The following TCERG1L variants were observed in gnomAD, a reference collection of about 807,000 sequenced individuals.
The protein encoded by TCERG1L is transcription elongation regulator 1 like.
A neutral mutation model predicts 56.3 loss-of-function variants in TCERG1L; 37 were observed. That is an observed-to-expected ratio of 0.66 (90% confidence interval 0.51 to 0.87). TCERG1L has a LOEUF of 0.87. TCERG1L is among the 40% of genes least tolerant of loss of function. The probability of loss-of-function intolerance (pLI) is 0.00; values close to 1 mark genes in which losing one functional copy is unlikely to be tolerated. For synonymous variants in TCERG1L, 324 were observed against 326.3 expected (o/e 0.99, Z 0.08); for missense variants, 799 against 774.2 (o/e 1.03, Z -0.38).
At chr10:131,288,203 G>T (rs750985488) in intron 3 of TCERG1L, among the ~76,000 whole-genome samples, 7 of 151,926 alleles carry the variant, frequency 4.6e-5, no homozygotes, top group Non-Finnish European at 1.0e-4. Context: ...TAACACAAAA[G>T]AAGTGTTTCT....
At chr10:131,172,918 T>C (rs905771396) in intron 4 of TCERG1L, among the ~76,000 whole-genome samples, 1 of 151,276 alleles carries the variant, frequency 6.6e-6, no homozygotes, top group Non-Finnish European at 1.5e-5. Context: ...AGATGGAGTT[T>C]TGCTCTTGTC....
chr10:131,281,780 A>T (rs945541921), intron 3 of TCERG1L, among the ~76,000 whole-genome samples: 1 of 152,200 alleles, frequency 6.6e-6, no homozygotes, highest in Admixed American at 6.5e-5. Flanking sequence ...GGGTCCAAAA[A>T]GCCTGATCCG....
intron 6 of TCERG1L, among the ~76,000 whole-genome samples, chr10:131,154,080 T>C (rs989754197): frequency 5.3e-5 from 8 of 152,208 alleles, no homozygotes; most frequent in Non-Finnish European, 2.9e-5. Flanking sequence ...CTAAGTAATA[T>C]GCATGTGTTC....
At chr10:131,288,842 G>C (rs1368732050) in intron 3 of TCERG1L, among the ~76,000 whole-genome samples, 2 of 152,032 alleles carry the variant, frequency 1.3e-5, no homozygotes, top group African/African-American at 4.8e-5. Context: ...AGCCGGGGGA[G>C]GGCACCGGAC....
chr10:131,115,325 G>A (rs1845446765), intron 9 of TCERG1L, among the ~76,000 whole-genome samples: 1 of 152,268 alleles, frequency 6.6e-6, no homozygotes, highest in Non-Finnish European at 1.5e-5. Context: ...CAAGTTGGGA[G>A]AAACTACAAC....
intron 4 of TCERG1L, among the ~76,000 whole-genome samples, chr10:131,191,890 G>GA (rs1164153170): frequency 1.2e-5 from 1 of 82,672 alleles, no homozygotes; most frequent in Non-Finnish European, 2.6e-5. Context: ...AAAAAAAAAA[G>GA]AAAAAAAGAA....
intron 4 of TCERG1L, among the ~76,000 whole-genome samples, chr10:131,178,515 C>A (rs1221628555): frequency 1.3e-5 from 2 of 152,174 alleles, no homozygotes; most frequent in African/African-American, 2.4e-5. Context: ...GGTCAAGAGA[C>A]ATACCTCTCA....
intron 4 of TCERG1L, among the ~76,000 whole-genome samples, chr10:131,187,504 C>T (rs1245161789): frequency 3.3e-5 from 5 of 152,174 alleles, no homozygotes; most frequent in African/African-American, 1.2e-4. Flanking sequence ...AGGGCCGGCG[C>T]CCATCTCCCA....
intron 4 of TCERG1L, among the ~76,000 whole-genome samples, chr10:131,233,862 C>T (rs1457150582): frequency 6.6e-6 from 1 of 152,158 alleles, no homozygotes; most frequent in Non-Finnish European, 1.5e-5. Context: ...TCATAAATGG[C>T]TTGATGCTGT....
intron 1 of TCERG1L, among the ~76,000 whole-genome samples, chr10:131,310,764 C>T (rs1247533043): frequency 6.6e-6 from 1 of 152,210 alleles, no homozygotes; most frequent in East Asian, 1.9e-4. Flanking sequence ...GGCAGGATTT[C>T]CCGGCCACTT....
At chr10:131,310,680 T>G (rs1846878164) in intron 1 of TCERG1L, among the ~76,000 whole-genome samples, 1 of 152,202 alleles carries the variant, frequency 6.6e-6, no homozygotes, top group African/African-American at 2.4e-5. Flanking sequence ...AAGTGCAGTG[T>G]GGCATTAGCG....
At chr10:131,117,298 C>T (rs1845469592) in intron 8 of TCERG1L, among the ~76,000 whole-genome samples, 1 of 152,238 alleles carries the variant, frequency 6.6e-6, no homozygotes, top group Non-Finnish European at 1.5e-5. Context: ...AGCCAGGCCT[C>T]AGGTGCTGCT....
intron 4 of TCERG1L, among the ~76,000 whole-genome samples, chr10:131,167,880 C>A (rs772464279): frequency 5.9e-5 from 9 of 152,206 alleles, no homozygotes; most frequent in Non-Finnish European, 1.2e-4. Flanking sequence ...CAGGGAAAAA[C>A]AGTAAAGCAA....
rs2944532 is a variant in TCERG1L at position 131,154,688 on chromosome 10, C to G, written c.1035-8028G>C. Reference sequence around the variant, plus strand: ...GGGCTTATAAGGACTCCAGGAGGAGCGCAGGGAGACCTCCCTCCCACCTTC... The same window carrying G: ...GGGCTTATAAGGACTCCAGGAGGAGGGCAGGGAGACCTCCCTCCCACCTTC... On this transcript the variant is annotated intron_variant, in intron 6 of 11. Transcript: ENST00000368642. Among the ~76,000 whole-genome samples, 351 of 152,200 alleles carry G rather than the reference C, an allele frequency of 2.3e-3. 1 individual carries two copies. The highest frequency in any genetic ancestry group is 8.0e-3 in the African/African-American group (333 of 41,504).
In TCERG1L at chr10:131,311,263, C is replaced by A. The variant is rs1182590847; in HGVS notation, c.342+31G>T. ...CGCCCAGGAGCAGGGGAGACGGCGA[C>A]CCGGGCCGAGGCGGGACGGGGACAC... On this transcript the variant is annotated intron_variant, in intron 1 of 11. Transcript: ENST00000368642. This position sits in a 1 kb window ranked among gnomAD's most constrained non-coding sequence, Gnocchi z 4.0. The A allele has an allele frequency of 1.7e-6, 2 of 1,199,400 alleles. No individual in the cohort carries two copies. Among genetic ancestry groups the A allele is most frequent in the Non-Finnish European group, 2.1e-6 (2 of 966,614 alleles). 74.3% of individuals were successfully genotyped at this position (1,199,400 alleles called of 1,614,324 possible). A position where few individuals can be genotyped will look rare whatever the true frequency, so the allele number is the denominator to read the frequency against.
At chr10:131,221,393 A>G (rs566242814) in intron 4 of TCERG1L, among the ~76,000 whole-genome samples, 1 of 152,296 alleles carries the variant, frequency 6.6e-6, no homozygotes, top group South Asian at 2.1e-4. Context: ...GCCCAGTGGG[A>G]GGTGGGTGGG....
intron 3 of TCERG1L, among the ~76,000 whole-genome samples, chr10:131,272,426 C>G (rs763531187): frequency 1.1e-4 from 16 of 152,172 alleles, no homozygotes; most frequent in Non-Finnish European, 2.1e-4. Flanking sequence ...TTGAATGTGC[C>G]AAATAAATAA....
At chr10:131,254,481 C>A (rs533344764) in intron 4 of TCERG1L, among the ~76,000 whole-genome samples, 1 of 152,234 alleles carries the variant, frequency 6.6e-6, no homozygotes, top group South Asian at 2.1e-4. Flanking sequence ...CTGCGCCTGG[C>A]TCCTTGGGGG....
chr10:131,283,181 G>A (rs747827860), intron 3 of TCERG1L, among the ~76,000 whole-genome samples: 13 of 152,338 alleles, frequency 8.5e-5, no homozygotes, highest in African/African-American at 2.9e-4. Flanking sequence ...AGTGAGGAAC[G>A]GCCTTAGACG....
Sources: gnomAD v4.1 joint callset for allele counts (sites outside exome capture counted in the v4.1 genomes callset) on GRCh38, gnomAD v4.1.1 for gene constraint, Gnocchi (gnomAD v3.1) non-coding constraint, MANE v1.5 for transcripts, NCBI Gene and HGNC (gene_info 2026-07-23, HGNC 2026-07-21) for gene names.